The following ITGB2 variants were observed in gnomAD, a reference collection of about 807,000 sequenced individuals.
ITGB2 encodes the protein integrin subunit beta 2, also known as integrin beta-2.
A neutral mutation model predicts 86.8 loss-of-function variants in ITGB2; 56 were observed. The observed-to-expected ratio is 0.65, with a 90% confidence interval of 0.52 to 0.81. The LOEUF (loss-of-function observed/expected upper bound fraction) is 0.81. Ranked by LOEUF, ITGB2 falls within the 30% of genes least tolerant of loss-of-function variation. The probability of loss-of-function intolerance (pLI) is 0.00; values close to 1 mark genes in which losing one functional copy is unlikely to be tolerated. For missense variants in ITGB2, 948 were observed against 1,061.2 expected (o/e 0.89, Z 1.48); for synonymous variants, 457 against 450.4 (o/e 1.01, Z -0.19).
chr21:44,892,009 G>A lies in ITGB2; in HGVS notation c.1225-13C>T. The A allele has an allele frequency of 6.2e-7, 1 of 1,610,072 alleles. No homozygotes were observed. The highest frequency in any genetic ancestry group is 1.1e-5 in the South Asian group (1 of 90,936). ...CCTGGAAGGTGATCTGCAGGGCAGT[G>A]CTGGGCTCAGGTGGGGACCCTCGGT... On this transcript the variant is annotated splice_polypyrimidine_tract_variant and intron_variant, in intron 10 of 15. Coordinates refer to ENST00000652462, the MANE Select transcript of ITGB2 (RefSeq NM_000211.5).
At chr21:44,914,534 C>G (rs907677542) in intron 1 of ITGB2, among the ~76,000 whole-genome samples, 2 of 152,206 alleles carry the variant, frequency 1.3e-5, no homozygotes, top group Non-Finnish European at 2.9e-5. Context: ...GGCTCTGAGA[C>G]ACGAAAGCGG....
chr21:44,888,976 C>A, intron 13 of ITGB2, 81 bp from the exon 14 acceptor site: 2 of 1,326,174 alleles, frequency 1.5e-6, no homozygotes, highest in South Asian at 1.2e-5. Flanking sequence ...GGTGTGTGTC[C>A]ACCAGGGGGG....
chr21:44,910,126 C>A (rs1352250930), intron 3 of ITGB2, among the ~76,000 whole-genome samples, 158 bp downstream of exon 3: 1 of 152,180 alleles, frequency 6.6e-6, no homozygotes, highest in Non-Finnish European at 1.5e-5. Context: ...ACATCAGAAC[C>A]TCAGGGGCCC....
rs776460369 is a variant in ITGB2, at chr21:44,888,912, G to A, written c.1878-17C>T. 3 of 1,600,060 alleles carry A rather than the reference G, an allele frequency of 1.9e-6. No individual in the cohort carries two copies. The highest frequency in any genetic ancestry group is 2.5e-6 in the Non-Finnish European group (3 of 1,179,270). The stretch of plus-strand genomic sequence containing the variant: ...GCGCAGGAGCTGCGGGGAGCCAGGT[G>A]TGAGCATCGGTGCCAGGGTGTGCGG... On this transcript the variant is annotated splice_polypyrimidine_tract_variant and intron_variant, in intron 13 of 15. Transcript: ENST00000652462.
rs934343863 is a variant in ITGB2 at position 44,893,729 on chromosome 21, G to A, written c.1084-185C>T. 4.5e-5 allele frequency: 33 copies of A among 735,628 alleles called. No homozygotes were observed. In the Admixed American group the frequency reaches 7.0e-4, roughly 15 times the overall value. The allele number at this position is 735,628 out of a possible 1,614,324, so 45.6% of individuals were successfully genotyped here. ...GCAGGGCTGCCAGGGCCACAGTCCT[G>A]CCCTCGAGACAGCCTGACCACAGGG... On this transcript the variant is annotated intron_variant, in intron 9 of 15. Transcript: ENST00000652462.
intron 1 of ITGB2, among the ~76,000 whole-genome samples, chr21:44,920,217 G>A (rs767843683): frequency 6.6e-6 from 1 of 151,836 alleles, no homozygotes; most frequent in Non-Finnish European, 1.5e-5. Flanking sequence ...CATCACATGC[G>A]CACACTCGCA....
In ITGB2 at chr21:44,920,824, C is replaced by G. The variant is rs1017648068; in HGVS notation, c.-7G>C. 2.0e-5 allele frequency: 3 copies of G among 152,642 alleles called. No individual in the cohort carries two copies. Among genetic ancestry groups the G allele is most frequent in the Admixed American group, 2.0e-4 (3 of 15,312 alleles). The allele number at this position is 152,642 out of a possible 1,614,324, so 9.5% of individuals were successfully genotyped here. A position where few individuals can be genotyped will look rare whatever the true frequency, so the allele number is the denominator to read the frequency against. On this transcript the variant is annotated 5_prime_UTR_variant, in exon 1 of 16. Transcript: ENST00000652462. Reference sequence around the variant, plus strand: ...AGCGGGGCCTCTGCACACTCACCCTCGGTGTGCTGGAGTCCTCGGCGGTGC... The same window carrying G: ...AGCGGGGCCTCTGCACACTCACCCTGGGTGTGCTGGAGTCCTCGGCGGTGC...
intron 1 of ITGB2, chr21:44,926,761 C>A (rs1187164932): frequency 2.0e-5 from 3 of 152,262 alleles, no homozygotes; most frequent in Non-Finnish European, 4.4e-5. Flanking sequence ...TCCCTCCAGT[C>A]AGCCCAGAAA....
At chr21:44,905,988 C>T (rs1259337129) in intron 4 of ITGB2, among the ~76,000 whole-genome samples, 1 of 152,180 alleles carries the variant, frequency 6.6e-6, no homozygotes, top group Non-Finnish European at 1.5e-5. Context: ...TGCACCCTCT[C>T]CCTGGGAGAT....
intron 11 of ITGB2, 36 bp downstream of exon 11, chr21:44,891,773 C>T (rs376905950): frequency 1.1e-5 from 17 of 1,596,840 alleles, no homozygotes; most frequent in Admixed American, 3.3e-5. Context: ...GGGTGGGGCT[C>T]GGGGATGGTT....
Position 44,886,196 on chromosome 21 carries a change from C to A in ITGB2, c.*172G>T, listed in dbSNP as rs972802612. ...TGCCAGTCAGAGTGGAGCTGTCCCC[C>A]CGACGAGCCCCCAGAAGCACCCGGC... On this transcript the variant is annotated 3_prime_UTR_variant, in exon 16 of 16. Transcript: ENST00000652462. 3.0e-6 allele frequency: 2 copies of A among 673,066 alleles called. No individual in the cohort carries two copies. The highest frequency in any genetic ancestry group is 5.4e-6 in the Non-Finnish European group (2 of 370,994). The allele number at this position is 673,066 out of a possible 1,614,324, so 41.7% of individuals were successfully genotyped here.
intron 10 of ITGB2, 29 bp downstream of exon 10, chr21:44,893,375 G>A: frequency 6.2e-7 from 1 of 1,612,286 alleles, no homozygotes; most frequent in Non-Finnish European, 8.5e-7. Context: ...TCAGCAAGCT[G>A]GGATGGGGAC....
intron 8 of ITGB2, among the ~76,000 whole-genome samples, chr21:44,896,312 A>G (rs979111419): frequency 2.0e-5 from 3 of 152,246 alleles, no homozygotes; most frequent in African/African-American, 7.2e-5. Context: ...TAAAATCACC[A>G]GGAAGCCATC....
rs1340605151 is a variant in ITGB2, at chr21:44,886,052, T to C, written c.*316A>G. 2 of 442,560 alleles carry C rather than the reference T, an allele frequency of 4.5e-6. No individual in the cohort carries two copies. The highest frequency in any genetic ancestry group is 8.9e-5 in the East Asian group (2 of 22,598). The allele number at this position is 442,560 out of a possible 1,614,324, so 27.4% of individuals were successfully genotyped here. A position where few individuals can be genotyped will look rare whatever the true frequency, so the allele number is the denominator to read the frequency against. On this transcript the variant is annotated 3_prime_UTR_variant, in exon 16 of 16. Coordinates refer to ENST00000652462, the MANE Select transcript of ITGB2 (RefSeq NM_000211.5). ...ATGTCATTTTATACCCTGACAAGTTTAAATGTAAATAAATTGGCACCACCT... is the reference window on the plus strand; with the variant it reads ...ATGTCATTTTATACCCTGACAAGTTCAAATGTAAATAAATTGGCACCACCT...
Position 44,901,659 on chromosome 21 carries a change from G to T in ITGB2, c.574C>A (p.Pro192Thr), listed in dbSNP as rs1426278704. 1 of 1,614,258 alleles carries T rather than the reference G, an allele frequency of 6.2e-7. No individual in the cohort carries two copies. Among genetic ancestry groups the T allele is most frequent in the Non-Finnish European group, 8.5e-7 (1 of 1,180,052 alleles). ...GGCTGGCACTCTTTCTCCTTGTTGG[G>T]GCATGGGTTTCGCAGCTTATCAGGG... ...THPDKLRNPC[P>T]NKEKECQPPF... The change falls in exon 6 of 16, where the codon CCC (proline) becomes ACC (threonine). Residue 192 changes from proline (P) to threonine (T), a missense_variant. Pro to Thr is a conservative substitution (Grantham distance 38). Transcript: ENST00000652462.
chr21:44,895,366 C>T (rs555294692), intron 8 of ITGB2, among the ~76,000 whole-genome samples: 32 of 151,906 alleles, frequency 2.1e-4, no homozygotes, highest in Non-Finnish European at 3.7e-4. Context: ...CCCATCTCTA[C>T]AAAAAGTACA....
chr21:44,911,187 C>G, intron 1 of ITGB2: 1 of 338,724 alleles, frequency 3.0e-6, no homozygotes, highest in South Asian at 2.7e-5. Flanking sequence ...TCACACCACA[C>G]ATATGTACAC....
At position 44,893,304 on chromosome 21, in the gene ITGB2, C is replaced by T. The variant is rs2083817205; in HGVS notation, c.1224+100G>A. The T allele has an allele frequency of 1.4e-5, 21 of 1,476,558 alleles. No individual in the cohort carries two copies. The South Asian group carries it at 1.8e-4, about 13-fold the overall frequency. The allele number at this position is 1,476,558 out of a possible 1,614,324, so 91.5% of individuals were successfully genotyped here. A position where few individuals can be genotyped will look rare whatever the true frequency, so the allele number is the denominator to read the frequency against. ...GACCCTGGCTCCTTCTGGCTGTCCCCAGGACCCCTCAGTGTGCTGGGATGG... is the reference window on the plus strand; with the variant it reads ...GACCCTGGCTCCTTCTGGCTGTCCCTAGGACCCCTCAGTGTGCTGGGATGG... On this transcript the variant is annotated intron_variant, in intron 10 of 15. Coordinates refer to ENST00000652462, the MANE Select transcript of ITGB2 (RefSeq NM_000211.5).
At chr21:44,890,290 T>A (rs1050196073) in intron 11 of ITGB2, 68 bp from the exon 12 acceptor site, 144 of 1,599,570 alleles carry the variant, frequency 9.0e-5, no homozygotes, top group Middle Eastern at 6.7e-4. Context: ...AGCCGCCCTG[T>A]CCTCCAGGCC....
Sources: gnomAD v4.1 joint callset for allele counts (sites outside exome capture counted in the v4.1 genomes callset) on GRCh38, gnomAD v4.1.1 for gene constraint, MANE v1.5 for transcripts, NCBI Gene and HGNC (gene_info 2026-07-23, HGNC 2026-07-21) for gene names.